CPNE4: variants seen among roughly 807,000 people sequenced by gnomAD.
The protein encoded by CPNE4 is copine-4.
CPNE4 carries 25 observed loss-of-function variants against 67.9 expected under a neutral mutation model. That is an observed-to-expected ratio of 0.37 (90% CI 0.27 to 0.51). The LOEUF (loss-of-function observed/expected upper bound fraction) is 0.51. Ranked by LOEUF, CPNE4 falls within the 20% of genes least tolerant of loss-of-function variation. The pLI, the probability that CPNE4 is intolerant of heterozygous loss-of-function variation, is 0.93. For synonymous variants in CPNE4, 242 were observed against 244.9 expected, an observed-to-expected ratio of 0.99 and a Z score of 0.11; for missense variants, 464 against 690.8, an observed-to-expected ratio of 0.67 and a Z score of 3.68.
At chr3:131,696,190 G>C (rs2081152919) in intron 5 of CPNE4, among the ~76,000 whole-genome samples, 1 of 152,134 alleles carries the variant, frequency 6.6e-6, no homozygotes, top group Non-Finnish European at 1.5e-5. Flanking sequence ...CCTGTACTTG[G>C]CAAACATAGG....
intron 3 of CPNE4, among the ~76,000 whole-genome samples, chr3:131,717,283 A>G (rs750097266): frequency 1.3e-5 from 2 of 150,026 alleles, no homozygotes; most frequent in East Asian, 1.9e-4. Flanking sequence ...TCACACTTTT[A>G]TCTGAAAGTG....
chr3:131,611,196 T>C (rs1327163794), intron 7 of CPNE4, among the ~76,000 whole-genome samples: 1 of 152,206 alleles, frequency 6.6e-6, no homozygotes, highest in Non-Finnish European at 1.5e-5. Context: ...TAGCCCATTA[T>C]ACTTATTGAT....
At chr3:131,703,987 A>C (rs1312380452) in intron 3 of CPNE4, among the ~76,000 whole-genome samples, 4 of 152,218 alleles carry the variant, frequency 2.6e-5, no homozygotes, top group African/African-American at 9.6e-5. Flanking sequence ...ACAAAGTTTA[A>C]CATTTCAACT....
intron 2 of CPNE4, among the ~76,000 whole-genome samples, chr3:131,729,977 C>T (rs75598261): frequency 0.054 from 8,275 of 152,270 alleles, 212 homozygotes; most frequent in Admixed American, 0.081. Context: ...GCAGAAGGCA[C>T]TTACATGTTA....
At chr3:131,713,370 G>A (rs945935464) in intron 3 of CPNE4, among the ~76,000 whole-genome samples, 3 of 152,214 alleles carry the variant, frequency 2.0e-5, no homozygotes, top group African/African-American at 7.2e-5. Flanking sequence ...ATGACTGAAC[G>A]ACATCTATGA....
intron 7 of CPNE4, among the ~76,000 whole-genome samples, chr3:131,621,404 C>T (rs1240287669): frequency 6.6e-6 from 1 of 152,040 alleles, no homozygotes; most frequent in Admixed American, 6.6e-5. Context: ...ACCACCACAC[C>T]TGGCTAATTA....
chr3:131,544,720 G>A (rs1488489145), intron 14 of CPNE4, among the ~76,000 whole-genome samples: 1 of 152,118 alleles, frequency 6.6e-6, no homozygotes, highest in East Asian at 1.9e-4. Flanking sequence ...AAGGAGTATA[G>A]GACATACCAG....
At chr3:131,656,120 G>A (rs2079956301) in intron 7 of CPNE4, among the ~76,000 whole-genome samples, 1 of 143,108 alleles carries the variant, frequency 7.0e-6, no homozygotes, top group Non-Finnish European at 1.5e-5. Flanking sequence ...TTTCTCTGTT[G>A]GCTGCTTTAT....
At chr3:132,001,563 G>GA (rs1456466733) in intron 1 of CPNE4, among the ~76,000 whole-genome samples, 1 of 121,880 alleles carries the variant, frequency 8.2e-6, no homozygotes, top group African/African-American at 3.3e-5. Context: ...GAGAAAGAAA[G>GA]AAAGAAAGAA....
chr3:131,779,812 A>G (rs946523669), intron 2 of CPNE4, among the ~76,000 whole-genome samples: 2 of 152,126 alleles, frequency 1.3e-5, no homozygotes, highest in African/African-American at 4.8e-5. Flanking sequence ...AGCAATCACA[A>G]AAAAACCCCA....
At chr3:131,923,582 A>G (rs1038658274) in intron 1 of CPNE4, among the ~76,000 whole-genome samples, 4 of 151,586 alleles carry the variant, frequency 2.6e-5, no homozygotes, top group Non-Finnish European at 4.4e-5. Flanking sequence ...ATGCATGCCT[A>G]TAGTACCACC....
intron 1 of CPNE4, among the ~76,000 whole-genome samples, chr3:131,972,913 T>C (rs1324463141): frequency 1.3e-5 from 2 of 152,158 alleles, no homozygotes; most frequent in East Asian, 3.9e-4. Context: ...ACTAATACAA[T>C]CGGTTTTACT....
At chr3:131,595,868 G>A (rs1392761531) in intron 7 of CPNE4, among the ~76,000 whole-genome samples, 1 of 152,168 alleles carries the variant, frequency 6.6e-6, no homozygotes, top group African/African-American at 2.4e-5. Context: ...ATTATGTTAA[G>A]TGAACTAAAC....
At chr3:131,789,638 T>C (rs2083662434) in intron 2 of CPNE4, among the ~76,000 whole-genome samples, 1 of 152,216 alleles carries the variant, frequency 6.6e-6, no homozygotes, top group Non-Finnish European at 1.5e-5. Context: ...TTTGCTATGA[T>C]TATTCAATGA....
Position 131,790,711 on chromosome 3 carries a change from T to C in CPNE4, c.181-67086A>G, listed in dbSNP as rs180919858. Among the ~76,000 whole-genome samples, 497 of 152,192 alleles carry C rather than the reference T, an allele frequency of 3.3e-3. 1 individual carries two copies. Among genetic ancestry groups the C allele is most frequent in the Non-Finnish European group, 5.3e-3 (363 of 68,002 alleles). ...TGCTCCTCAGCTGTCATTTGAAGAG[T>C]GATAATTTGATGCCATAGTGATTAA... On this transcript the variant is annotated intron_variant, in intron 2 of 15. Coordinates refer to ENST00000429747, the MANE Select transcript of CPNE4 (RefSeq NM_130808.3).
intron 5 of CPNE4, 42 bp from the exon 6 acceptor site, chr3:131,686,000 T>A (rs1347712078): frequency 1.9e-6 from 2 of 1,064,480 alleles, no homozygotes; most frequent in African/African-American, 1.6e-5. Context: ...TCCTCCTGCA[T>A]TTGATCTAGT....
At chr3:131,601,788 C>T (rs546795104) in intron 7 of CPNE4, among the ~76,000 whole-genome samples, 1 of 152,194 alleles carries the variant, frequency 6.6e-6, no homozygotes, top group South Asian at 2.1e-4. Flanking sequence ...AGAGATGGTG[C>T]AAGTATCTCA....
At chr3:131,743,917 C>G (rs901247539) in intron 2 of CPNE4, among the ~76,000 whole-genome samples, 1 of 131,152 alleles carries the variant, frequency 7.6e-6, no homozygotes, top group Non-Finnish European at 1.6e-5. Flanking sequence ...GAGCCGAGAT[C>G]GCGCCACTGC....
chr3:131,842,730 T>TAAAAAA (rs3041527), intron 2 of CPNE4, among the ~76,000 whole-genome samples: 2 of 121,836 alleles, frequency 1.6e-5, no homozygotes, highest in African/African-American at 3.3e-5. Flanking sequence ...TATTCTGTTG[T>TAAAAAA]AAAAAAAAAA....
Sources: allele counts gnomAD v4.1 joint callset (sites outside exome capture counted in the v4.1 genomes callset), GRCh38; gene constraint gnomAD v4.1.1; transcripts MANE v1.5; gene names NCBI Gene and HGNC (gene_info 2026-07-23, HGNC 2026-07-21).